Variants in BBS9 observed in about 807,000 individuals in gnomAD.
BBS9 encodes the protein protein PTHB1.
Under a neutral mutation model 117.7 loss-of-function variants are expected in BBS9, and 89 were observed. The ratio of observed to expected loss-of-function variants is 0.76; its 90% CI spans 0.64 to 0.90. The LOEUF is 0.90. Ranked by LOEUF, BBS9 falls within the 40% of genes least tolerant of loss-of-function variation. BBS9 has a pLI of 0.00. For missense variants in BBS9, 982 were observed against 1,042.2 expected, an observed-to-expected ratio of 0.94 and a Z score of 0.80; for synonymous variants, 379 against 370.9, an observed-to-expected ratio of 1.02 and a Z score of -0.25.
At chr7:33,591,124 A>C (rs1861847210) in intron 21 of BBS9, among the ~76,000 whole-genome samples, 1 of 152,044 alleles carries the variant, frequency 6.6e-6, no homozygotes, top group Non-Finnish European at 1.5e-5. Context: ...TCCTGGAAGG[A>C]TGTGGTGGAA....
chr7:33,302,387 C>G (rs1342273731), intron 9 of BBS9, among the ~76,000 whole-genome samples: 1 of 152,074 alleles, frequency 6.6e-6, no homozygotes, highest in East Asian at 1.9e-4. Context: ...CCAGTGTTTT[C>G]TTGTAGTGGT....
chr7:33,474,512 A>T (rs1189201650), intron 19 of BBS9, among the ~76,000 whole-genome samples: 1 of 152,192 alleles, frequency 6.6e-6, no homozygotes, highest in African/African-American at 2.4e-5. Flanking sequence ...TATCTTTGGA[A>T]TATTGTTTTT....
At chr7:33,189,844 C>T (rs1242031623) in intron 5 of BBS9, among the ~76,000 whole-genome samples, 1 of 149,662 alleles carries the variant, frequency 6.7e-6, no homozygotes, top group African/African-American at 2.5e-5. Flanking sequence ...CGAGATCGAG[C>T]CACTGCACTC....
chr7:33,187,836 C>T (rs1258458037), intron 5 of BBS9, among the ~76,000 whole-genome samples: 28 of 151,984 alleles, frequency 1.8e-4, no homozygotes, highest in Non-Finnish European at 1.5e-5. Flanking sequence ...CAGGAGAAAT[C>T]GCTTGAACCC....
intron 9 of BBS9, among the ~76,000 whole-genome samples, chr7:33,327,302 A>G (rs1813059557): frequency 6.6e-6 from 1 of 152,210 alleles, no homozygotes; most frequent in Non-Finnish European, 1.5e-5. Context: ...GGAGGATTAT[A>G]AGGTAACATG....
At chr7:33,486,038 G>T (rs1007268709) in intron 19 of BBS9, among the ~76,000 whole-genome samples, 2 of 152,148 alleles carry the variant, frequency 1.3e-5, no homozygotes, top group Non-Finnish European at 2.9e-5. Context: ...TCTTGTTGGC[G>T]GTGTGGGAGT....
chr7:33,498,666 C>T lies in BBS9; in HGVS notation c.2116-6797C>T, dbSNP rs1158670143. Among the ~76,000 whole-genome samples, 3 of 152,236 alleles carry T rather than the reference C, an allele frequency of 2.0e-5. No individual in the cohort carries two copies. In the East Asian group the frequency reaches 5.8e-4, roughly 29 times the overall value. The stretch of plus-strand genomic sequence containing the variant: ...TTTAGCATAACATCTTCAAGATTCA[C>T]CCATTTTGTAGCGTGTATAAGTACT... On this transcript the variant is annotated intron_variant, in intron 19 of 22. Coordinates refer to ENST00000242067, the MANE Select transcript of BBS9 (RefSeq NM_198428.3).
intron 6 of BBS9, among the ~76,000 whole-genome samples, chr7:33,263,276 C>T (rs952483768): frequency 1.3e-5 from 2 of 151,990 alleles, no homozygotes; most frequent in Non-Finnish European, 2.9e-5. Flanking sequence ...ATTTGAAGAC[C>T]ATTGTACATT....
intron 19 of BBS9, among the ~76,000 whole-genome samples, chr7:33,455,972 G>A (rs1399599374): frequency 6.6e-6 from 1 of 152,198 alleles, no homozygotes; most frequent in Non-Finnish European, 1.5e-5. Context: ...TCTGGAATAT[G>A]TGGAGATAAT....
chr7:33,171,728 A>G (rs1796607380), intron 4 of BBS9, among the ~76,000 whole-genome samples: 1 of 152,206 alleles, frequency 6.6e-6, no homozygotes, highest in African/African-American at 2.4e-5. Context: ...TCAATATTTT[A>G]ACTTATAAAT....
intron 19 of BBS9, among the ~76,000 whole-genome samples, chr7:33,475,287 C>G (rs552062846): frequency 6.6e-6 from 1 of 152,088 alleles, no homozygotes; most frequent in Non-Finnish European, 1.5e-5. Context: ...GGTGGTAAGC[C>G]CATGGGCCAT....
At chr7:33,223,119 C>T (rs1790575942) in intron 5 of BBS9, among the ~76,000 whole-genome samples, 1 of 151,730 alleles carries the variant, frequency 6.6e-6, no homozygotes, top group African/African-American at 2.4e-5. Context: ...ATTATATATA[C>T]ATTTATTTTA....
intron 6 of BBS9, among the ~76,000 whole-genome samples, chr7:33,263,869 C>T (rs909916109): frequency 3.3e-5 from 5 of 152,062 alleles, no homozygotes; most frequent in Non-Finnish European, 5.9e-5. Flanking sequence ...AGTGGTTAAA[C>T]TGGGGTTAAA....
intron 9 of BBS9, among the ~76,000 whole-genome samples, chr7:33,298,139 TC>T (rs900572524): frequency 4.6e-5 from 7 of 152,134 alleles, no homozygotes; most frequent in African/African-American, 1.7e-4. Context: ...TCATTTTTTT[TC>T]ATTTTAATTT....
intron 10 of BBS9, among the ~76,000 whole-genome samples, chr7:33,337,883 A>G (rs1215913927): frequency 1.3e-5 from 2 of 152,100 alleles, no homozygotes; most frequent in Non-Finnish European, 2.9e-5. Context: ...TTTCATTTCA[A>G]ATTTTGTCCT....
intron 19 of BBS9, among the ~76,000 whole-genome samples, chr7:33,406,405 C>A (rs1181046187): frequency 1.3e-5 from 2 of 151,980 alleles, no homozygotes; most frequent in Admixed American, 1.3e-4. Context: ...TAGTCTGTGT[C>A]TTTTAATTGG....
intron 4 of BBS9, among the ~76,000 whole-genome samples, chr7:33,165,104 A>G (rs890427496): frequency 2.6e-5 from 4 of 152,114 alleles, no homozygotes; most frequent in African/African-American, 9.7e-5. Flanking sequence ...GTTTGGCTGG[A>G]TATGAGATTC....
At position 33,597,029 on chromosome 7, in the gene BBS9, A is replaced by G. The variant is rs1443167134; in HGVS notation, c.2522-7836A>G. Among the ~76,000 whole-genome samples the G allele has an allele frequency of 3.3e-5, 5 of 150,660 alleles. No individual in the cohort carries two copies. The South Asian group carries it at 6.4e-4, about 19-fold the overall frequency. On this transcript the variant is annotated intron_variant, in intron 21 of 22. Coordinates refer to ENST00000242067, the MANE Select transcript of BBS9 (RefSeq NM_198428.3). ...AAAATTTATACATGTCTATGTACCT[A>G]TGTGCATATATATGAATCATCTCTC...
chr7:33,230,014 G>A (rs947900157), intron 5 of BBS9, among the ~76,000 whole-genome samples: 1 of 152,120 alleles, frequency 6.6e-6, no homozygotes, highest in Non-Finnish European at 1.5e-5. Flanking sequence ...GATTAATGAT[G>A]TTGAGCACCT....
Sources: allele counts gnomAD v4.1 joint callset (sites outside exome capture counted in the v4.1 genomes callset), GRCh38; gene constraint gnomAD v4.1.1; transcripts MANE v1.5; gene names NCBI Gene and HGNC (gene_info 2026-07-23, HGNC 2026-07-21).